The following SNORC variants were observed in gnomAD, a reference collection of about 807,000 sequenced individuals.
SNORC encodes the protein secondary ossification center associated regulator of chondrocyte maturation.
In SNORC, 11 loss-of-function variants were observed where a neutral mutation model predicts 9.7. That is an observed-to-expected ratio of 1.14 (90% CI 0.72 to 1.88). The LOEUF (loss-of-function observed/expected upper bound fraction) is 1.88, where lower values mean the gene tolerates loss of function less well. SNORC is among the 40% of genes most tolerant of loss of function. The pLI, the probability that SNORC is intolerant of heterozygous loss-of-function variation, is 0.00. For synonymous variants in SNORC, 108 were observed against 88.7 expected (o/e 1.22, Z -1.22); for missense variants, 197 against 173.1 (o/e 1.14, Z -0.77).
chr2:232,869,593 G>A (rs1559179401), upstream of SNORC: 1 of 152,600 alleles, frequency 6.6e-6, no homozygotes, highest in African/African-American at 2.4e-5. Flanking sequence ...GATACCCTGC[G>A]GGGCTGTTGA....
chr2:232,874,899 T>C (rs923384315), intron 1 of SNORC, among the ~76,000 whole-genome samples: 2 of 152,228 alleles, frequency 1.3e-5, no homozygotes, highest in African/African-American at 4.8e-5. Context: ...CTTGGCTTTC[T>C]TGTCTCTGAA....
intron 1 of SNORC, among the ~76,000 whole-genome samples, chr2:232,872,204 G>A (rs1443000769): frequency 1.3e-5 from 2 of 152,140 alleles, no homozygotes; most frequent in African/African-American, 4.8e-5. Flanking sequence ...TCCTGTAGCA[G>A]ACAGGAAGGG....
intron 1 of SNORC, chr2:232,875,480 C>T: frequency 2.3e-6 from 1 of 427,996 alleles, no homozygotes; most frequent in Non-Finnish European, 4.9e-6. Context: ...TCTGGGGCAT[C>T]CTGTCTGGTT....
At chr2:232,876,761 C>G (rs1455082470), downstream of SNORC, 68 of 985,378 alleles carry the variant, frequency 6.9e-5, no homozygotes, top group Admixed American at 6.2e-5. This position sits in a 1 kb window ranked among gnomAD's most constrained non-coding sequence, Gnocchi z 6.8. Flanking sequence ...GGCCAGCGGT[C>G]TTAGCCCGTC....
At chr2:232,866,864 C>T (rs1690889099), upstream of SNORC, among the ~76,000 whole-genome samples, 1 of 152,162 alleles carries the variant, frequency 6.6e-6, no homozygotes, top group Non-Finnish European at 1.5e-5. Flanking sequence ...TAGGCACCCA[C>T]CCCTATGCCT....
At chr2:232,870,289 C>A in exon 1 of SNORC, 1 of 1,479,206 alleles carries the variant, frequency 6.8e-7, no homozygotes, top group Non-Finnish European at 9.2e-7. Flanking sequence ...CTGAAGTTAA[C>A]CAGCGCAGTC....
chr2:232,869,952 G>A (rs191273672), upstream of SNORC: 2 of 327,694 alleles, frequency 6.1e-6, no homozygotes, highest in Non-Finnish European at 1.2e-5. Flanking sequence ...GCCAGAGGCA[G>A]CAGCATGTTT....
At chr2:232,875,482 T>TG (rs1162750927) in intron 1 of SNORC, 1 of 427,980 alleles carries the variant, frequency 2.3e-6, no homozygotes, top group Admixed American at 2.7e-5. Flanking sequence ...TGGGGCATCC[T>TG]GTCTGGTTGC....
downstream of SNORC, chr2:232,878,187 T>C (rs1574977564): frequency 2.0e-5 from 3 of 152,470 alleles, no homozygotes; most frequent in East Asian, 5.8e-4. Context: ...CAGAGGCCTG[T>C]TCTGGCGAGC....
At chr2:232,868,494 GAAAT>G (rs1191295990), upstream of SNORC, among the ~76,000 whole-genome samples, 1 of 152,148 alleles carries the variant, frequency 6.6e-6, no homozygotes, top group Non-Finnish European at 1.5e-5. Flanking sequence ...TATTTCCTCT[GAAAT>G]CAGTGATCCC....
chr2:232,875,947 T>G, exon 2 of SNORC: 1 of 1,551,846 alleles, frequency 6.4e-7, no homozygotes, highest in African/African-American at 1.4e-5. Context: ...CAGACGATGT[T>G]CCACAGGAGC....
At chr2:232,875,904 C>T (rs1406934027) in intron 1 of SNORC, 36 bp from the exon 2 acceptor site, 4 of 1,518,584 alleles carry the variant, frequency 2.6e-6, no homozygotes, top group African/African-American at 1.4e-5. Flanking sequence ...TCGGCCCCGT[C>T]ACCTGGGGCC....
chr2:232,870,990 G>T (rs1240786478), intron 1 of SNORC, among the ~76,000 whole-genome samples: 3 of 152,188 alleles, frequency 2.0e-5, no homozygotes, highest in Non-Finnish European at 4.4e-5. Flanking sequence ...CCACGAGAGG[G>T]AGGCCTCTGG....
intron 1 of SNORC, among the ~76,000 whole-genome samples, chr2:232,873,441 AC>A (rs1691105706): frequency 6.6e-6 from 1 of 151,792 alleles, no homozygotes; most frequent in Non-Finnish European, 1.5e-5. Flanking sequence ...GTGGCAGCTC[AC>A]CCCTGCTGGG....
At chr2:232,872,990 G>A (rs1016977905) in intron 1 of SNORC, among the ~76,000 whole-genome samples, 4 of 152,242 alleles carry the variant, frequency 2.6e-5, no homozygotes, top group Non-Finnish European at 5.9e-5. Flanking sequence ...CAGGGAGCTG[G>A]TGGCTCCTGG....
At chr2:232,876,677 G>A (rs988432626), downstream of SNORC, 11 of 1,000,728 alleles carry the variant, frequency 1.1e-5, no homozygotes, top group East Asian at 1.0e-4. This position sits in a 1 kb window ranked among gnomAD's most constrained non-coding sequence, Gnocchi z 6.8. Flanking sequence ...CGGCTGGAGT[G>A]CCTCAGGAGC....
chr2:232,867,863 T>C (rs1373480938), upstream of SNORC, among the ~76,000 whole-genome samples: 1 of 152,232 alleles, frequency 6.6e-6, no homozygotes, highest in Non-Finnish European at 1.5e-5. Context: ...TTTCCGCCAG[T>C]GCCCAGCTAT....
At chr2:232,872,293 T>TACTGAGGTGGGAGCAGGCCGG (rs1415597702) in intron 1 of SNORC, among the ~76,000 whole-genome samples, 3 of 152,078 alleles carry the variant, frequency 2.0e-5, no homozygotes, top group African/African-American at 7.2e-5. Flanking sequence ...TGGCCTCAGC[T>TACTGAGGTGGGAGCAGGCCGG]ACTGAGGTGG....
chr2:232,870,552 G>T (rs998494922), intron 1 of SNORC, 138 bp downstream of exon 1: 4 of 846,238 alleles, frequency 4.7e-6, no homozygotes, highest in Non-Finnish European at 7.3e-6. Flanking sequence ...GTGATTCTGC[G>T]AAGAGCTCTT....
Sources: allele counts gnomAD v4.1 joint callset (sites outside exome capture counted in the v4.1 genomes callset), GRCh38; gene constraint gnomAD v4.1.1; non-coding constraint Gnocchi (gnomAD v3.1); transcripts MANE v1.5; gene names NCBI Gene and HGNC (gene_info 2026-07-23, HGNC 2026-07-21).